ZC3H4: variants seen among roughly 807,000 people sequenced by gnomAD.
The protein encoded by ZC3H4 is zinc finger CCCH-type containing 4, also known as zinc finger CCCH domain-containing protein 4.
A neutral mutation model predicts 108.3 loss-of-function variants in ZC3H4; 13 were observed. The observed-to-expected ratio is 0.12, with a 90% CI of 0.08 to 0.19. The LOEUF is 0.19. Ranked by LOEUF, ZC3H4 falls within the 10% of genes least tolerant of loss-of-function variation. ZC3H4 has a pLI of 1.00. For synonymous variants in ZC3H4, 917 were observed against 749.6 expected (o/e 1.22, Z -3.65); for missense variants, 1,734 against 1,838.8 (o/e 0.94, Z 1.04).
chr19:47,089,099 A>G (rs1198753417), intron 5 of ZC3H4, among the ~76,000 whole-genome samples: 1 of 149,516 alleles, frequency 6.7e-6, no homozygotes, highest in Non-Finnish European at 1.5e-5. Flanking sequence ...CCAGCTACTC[A>G]GGAGGCTGAG....
intron 2 of ZC3H4, among the ~76,000 whole-genome samples, chr19:47,103,671 A>G (rs916061993): frequency 2.0e-5 from 3 of 151,726 alleles, no homozygotes; most frequent in Middle Eastern, 3.2e-3. Flanking sequence ...TCATGCCTGT[A>G]ATCCCAGCAC....
Position 47,066,786 on chromosome 19 carries a change from G to C in ZC3H4, c.3482C>G (p.Thr1161Arg). The C allele has an allele frequency of 6.2e-7, 1 of 1,601,650 alleles. No homozygotes were observed. The highest frequency in any genetic ancestry group is 2.2e-5 in the East Asian group (1 of 44,776). The stretch of plus-strand genomic sequence containing the variant: ...GGCACCCGTGTCAGCAGCCGGCTCT[G>C]TGGCTTTGCCCCCCGCGTTGGGAGT... ...PRTPNAGGKA[T>R]EPAADTGAQP... The change falls in exon 15 of 15, where the codon ACA (threonine) becomes AGA (arginine). Residue 1161 changes from threonine (T) to arginine (R), a missense_variant. This residue lies in a region of ZC3H4 where 518 missense variants were observed against 499.6 expected (regional missense o/e 1.04). Transcript: ENST00000253048.
At chr19:47,090,861 G>A (rs1454829630) in intron 4 of ZC3H4, among the ~76,000 whole-genome samples, 1 of 152,128 alleles carries the variant, frequency 6.6e-6, no homozygotes, top group African/African-American at 2.4e-5. Context: ...CCACAACAAT[G>A]CAAGACATTG....
intron 2 of ZC3H4, among the ~76,000 whole-genome samples, chr19:47,103,077 G>A (rs560886687): frequency 1.3e-5 from 2 of 152,244 alleles, no homozygotes; most frequent in Admixed American, 1.3e-4. Flanking sequence ...GCATTCTTGA[G>A]CAAAGGTATC....
At position 47,064,721 on chromosome 19, in the gene ZC3H4, TAA is replaced by T. The variant is rs574506165; in HGVS notation, c.*1633_*1634del. ...AAGACAAATCTCATTAATGATTGTGTAAAAAAAAAAAAAAAAAAAAAGACAAA... is the reference window on the plus strand; with the variant it reads ...AAGACAAATCTCATTAATGATTGTGTAAAAAAAAAAAAAAAAAAAGACAAA... On this transcript the variant is annotated 3_prime_UTR_variant, in exon 15 of 15. Coordinates refer to ENST00000253048, the MANE Select transcript of ZC3H4 (RefSeq NM_015168.2). The T allele has an allele frequency of 7.1e-5, 8 of 113,108 alleles. No homozygotes were observed. The highest frequency in any genetic ancestry group is 9.0e-5 in the Admixed American group (1 of 11,114). 7.0% of individuals were successfully genotyped at this position (113,108 alleles called of 1,614,324 possible).
intron 2 of ZC3H4, among the ~76,000 whole-genome samples, chr19:47,101,779 G>A (rs2123063330): frequency 6.6e-6 from 1 of 151,830 alleles, no homozygotes; most frequent in East Asian, 2.0e-4. Context: ...GCTGAGGCAG[G>A]AGAATCACTT....
intron 3 of ZC3H4, 142 bp from the exon 4 acceptor site, chr19:47,094,222 C>A: frequency 9.2e-7 from 1 of 1,086,194 alleles, no homozygotes. Context: ...CACTTAGTGG[C>A]AATGAAGCAT....
chr19:47,074,771 C>G (rs781504264), intron 11 of ZC3H4, among the ~76,000 whole-genome samples: 1 of 152,234 alleles, frequency 6.6e-6, no homozygotes, highest in Non-Finnish European at 1.5e-5. Flanking sequence ...CAGCATGCCA[C>G]TCGTGCTGTC....
chr19:47,087,491 T>C (rs1435215717), intron 5 of ZC3H4, among the ~76,000 whole-genome samples: 1 of 151,982 alleles, frequency 6.6e-6, no homozygotes, highest in Admixed American at 6.6e-5. Context: ...TCTCAGCACT[T>C]TGGGAGGCCC....
rs1437435822 is a variant in ZC3H4 at position 47,085,072 on chromosome 19, T to C, written c.1091A>G (p.Tyr364Cys). The C allele has an allele frequency of 1.2e-5, 19 of 1,614,108 alleles. No homozygotes were observed. The highest frequency in any genetic ancestry group is 1.6e-5 in the Non-Finnish European group (19 of 1,180,032). The change falls in exon 8 of 15, where the codon TAT (tyrosine) becomes TGT (cysteine). Residue 364 changes from tyrosine (Y) to cysteine (C), a missense_variant. Coordinates refer to ENST00000253048, the MANE Select transcript of ZC3H4 (RefSeq NM_015168.2). ...KGGMNDDEDF[Y>C]DEDMGDGGGG... Reference sequence around the variant, plus strand: ...TCAACTCACGCCCATGTCCTCGTCATAGAAGTCTTCGTCATCGTTCATTCC... The same window carrying C: ...TCAACTCACGCCCATGTCCTCGTCACAGAAGTCTTCGTCATCGTTCATTCC...
At chr19:47,075,456 C>T (rs1023128836) in intron 11 of ZC3H4, among the ~76,000 whole-genome samples, 2 of 152,012 alleles carry the variant, frequency 1.3e-5, no homozygotes, top group Non-Finnish European at 2.9e-5. Context: ...CTCCCTCCTC[C>T]TCCTCCTCTT....
At chr19:47,112,861 G>T (rs1408333980) in intron 1 of ZC3H4, among the ~76,000 whole-genome samples, 1 of 152,154 alleles carries the variant, frequency 6.6e-6, no homozygotes, top group Non-Finnish European at 1.5e-5. Context: ...CGCACCCCCG[G>T]GGGGCGGGAC....
At chr19:47,095,224 G>A (rs756229356) in intron 2 of ZC3H4, among the ~76,000 whole-genome samples, 51 of 152,308 alleles carry the variant, frequency 3.3e-4, no homozygotes, top group Non-Finnish European at 4.6e-4. Context: ...AACCAGGGGT[G>A]GCCCCAAGCT....
chr19:47,092,418 A>AG (rs1166431825), intron 4 of ZC3H4, among the ~76,000 whole-genome samples: 3 of 152,224 alleles, frequency 2.0e-5, no homozygotes, highest in African/African-American at 7.2e-5. Context: ...CTACACCAGT[A>AG]GATCAATCTC....
At chr19:47,092,044 AC>A (rs2057741504) in intron 4 of ZC3H4, among the ~76,000 whole-genome samples, 1 of 152,056 alleles carries the variant, frequency 6.6e-6, no homozygotes, top group Non-Finnish European at 1.5e-5. Flanking sequence ...CCCCATCTCT[AC>A]CAAAAGTACA....
intron 11 of ZC3H4, among the ~76,000 whole-genome samples, chr19:47,080,983 A>G (rs1330174587): frequency 2.0e-5 from 3 of 151,900 alleles, no homozygotes; most frequent in African/African-American, 7.3e-5. Context: ...ATGTTGCCCT[A>G]AGTACAACTG....
At chr19:47,097,065 T>C in intron 2 of ZC3H4, 1 of 862,148 alleles carries the variant, frequency 1.2e-6, no homozygotes, top group Non-Finnish European at 1.4e-6. Flanking sequence ...TTCAAGGAAC[T>C]CCAAGAGCCT....
At chr19:47,086,163 A>C (rs904454471) in intron 6 of ZC3H4, among the ~76,000 whole-genome samples, 1 of 152,188 alleles carries the variant, frequency 6.6e-6, no homozygotes, top group Non-Finnish European at 1.5e-5. Flanking sequence ...CACCGCGCCC[A>C]GCCGATACCT....
At chr19:47,094,716 C>T (rs991219870) in intron 2 of ZC3H4, 108 bp from the exon 3 acceptor site, 18 of 1,100,582 alleles carry the variant, frequency 1.6e-5, no homozygotes, top group Admixed American at 1.3e-4. Context: ...CTGCTGTGAG[C>T]GAAGTGAGAC....
Sources: allele counts gnomAD v4.1 joint callset (sites outside exome capture counted in the v4.1 genomes callset), GRCh38; gene constraint gnomAD v4.1.1; regional missense constraint gnomAD v4.1.1; transcripts MANE v1.5; gene names NCBI Gene and HGNC (gene_info 2026-07-23, HGNC 2026-07-21).